The following CDH18 variants were observed in gnomAD, a reference collection of about 807,000 sequenced individuals.
CDH18 encodes cadherin 18, also known as cadherin-18.
CDH18 carries 31 observed loss-of-function variants against 67.9 expected under a neutral mutation model. That is an observed-to-expected ratio of 0.46 (90% CI 0.34 to 0.62). CDH18 has a LOEUF of 0.62. Among genes scored for constraint, CDH18 ranks in the 20% least tolerant of loss-of-function variants. CDH18 has a pLI of 0.01. For missense variants in CDH18, 890 were observed against 975.5 expected (o/e 0.91, Z 1.17); for synonymous variants, 362 against 347.2 (o/e 1.04, Z -0.48).
At position 19,554,223 on chromosome 5, in the gene CDH18, C is replaced by T. The variant is rs189593941; in HGVS notation, c.1254-10218G>A. On this transcript the variant is annotated intron_variant, in intron 8 of 12. Transcript: ENST00000382275. ...TCCAATGAAGCAAAATTAAGCTAAA[C>T]CTCTGCACATGCAATTATAATGTTT... is the stretch of plus-strand genomic sequence containing the variant. Among the ~76,000 whole-genome samples the T allele has an allele frequency of 2.5e-3, 384 of 152,304 alleles. 5 individuals are homozygous for T. The highest frequency in any genetic ancestry group is 6.8e-3 in the Middle Eastern group (2 of 294).
intron 7 of CDH18, among the ~76,000 whole-genome samples, chr5:19,585,909 A>AGT (rs746271080): frequency 6.6e-6 from 1 of 152,140 alleles, no homozygotes; most frequent in Non-Finnish European, 1.5e-5. Context: ...AACATGAGTA[A>AGT]GTGTTCAGAC....
At chr5:20,127,118 T>TG (rs1748899499) in intron 2 of CDH18, among the ~76,000 whole-genome samples, 2 of 152,160 alleles carry the variant, frequency 1.3e-5, no homozygotes, top group Non-Finnish European at 2.9e-5. Context: ...GATTAAATCA[T>TG]GGGGTGGTTT....
At chr5:19,962,378 C>CAAAAAAGAAAAAAA (rs1796999708) in intron 2 of CDH18, among the ~76,000 whole-genome samples, 1 of 51,594 alleles carries the variant, frequency 1.9e-5, no homozygotes, top group Non-Finnish European at 3.3e-5. Context: ...CGTCAAAAAG[C>CAAAAAAGAAAAAAA]AAAAAAAAAA....
intron 2 of CDH18, among the ~76,000 whole-genome samples, chr5:20,131,739 A>G (rs1003362431): frequency 1.9e-4 from 29 of 152,304 alleles, no homozygotes; most frequent in African/African-American, 6.7e-4. Context: ...TTTTACAACA[A>G]TTAATGGTTG....
chr5:19,680,861 T>C (rs1474887639), intron 5 of CDH18, among the ~76,000 whole-genome samples: 1 of 152,028 alleles, frequency 6.6e-6, no homozygotes, highest in East Asian at 1.9e-4. Context: ...TGGTGATTTT[T>C]CAAAGAACTT....
At chr5:19,691,943 C>A (rs1761944287) in intron 5 of CDH18, among the ~76,000 whole-genome samples, 1 of 151,922 alleles carries the variant, frequency 6.6e-6, no homozygotes, top group African/African-American at 2.4e-5. Context: ...GCCAAAAGAA[C>A]AAAGCTGGAG....
At chr5:19,555,440 G>T (rs549946291) in intron 8 of CDH18, among the ~76,000 whole-genome samples, 2 of 152,274 alleles carry the variant, frequency 1.3e-5, no homozygotes, top group African/African-American at 4.8e-5. Flanking sequence ...CATGAGGGGA[G>T]TGAGACCAGC....
rs557663362 is a variant in CDH18, at chr5:19,935,786, C to A, written c.-257+45274G>T. On this transcript the variant is annotated intron_variant, in intron 2 of 12. Coordinates refer to ENST00000382275, the MANE Select transcript of CDH18 (RefSeq NM_004934.5). ...TAAGCACTGAGCTAGCTTTTACATA[C>A]AGTCAGGAACTCTCTCTCTCTCTCT... Among the ~76,000 whole-genome samples the A allele has an allele frequency of 5.0e-4, 74 of 146,676 alleles. No individual in the cohort carries two copies. The South Asian group carries it at 0.014, about 27-fold the overall frequency.
At chr5:20,313,974 C>G (rs1282541062) in intron 1 of CDH18, among the ~76,000 whole-genome samples, 2 of 151,912 alleles carry the variant, frequency 1.3e-5, no homozygotes, top group Non-Finnish European at 2.9e-5. Context: ...TCCCTACTTA[C>G]TTACTTTTTT....
intron 3 of CDH18, among the ~76,000 whole-genome samples, chr5:19,755,450 T>C (rs12654334): frequency 2.6e-4 from 2 of 7,836 alleles, no homozygotes; most frequent in African/African-American, 3.1e-4. Flanking sequence ...TATATATATA[T>C]ATATATATAC....
At chr5:20,019,457 G>C (rs1442475038) in intron 2 of CDH18, among the ~76,000 whole-genome samples, 1 of 151,906 alleles carries the variant, frequency 6.6e-6, no homozygotes, top group Non-Finnish European at 1.5e-5. Flanking sequence ...GGGCCTTGTG[G>C]GAGGTGATTG....
Position 20,376,892 on chromosome 5 carries a change from C to T in CDH18, c.-579-121387G>A, listed in dbSNP as rs564557914. 4.6e-5 allele frequency among the ~76,000 whole-genome samples: 7 copies of T among 152,110 alleles called. No individual in the cohort carries two copies. The South Asian group carries it at 1.5e-3, about 32-fold the overall frequency. ...ATTAGCCGGGCGTGGTGGCAGGTGG[C>T]TGTAGTCCCAGCTACTCAGGGGGCT... On this transcript the variant is annotated intron_variant, in intron 1 of 14. Transcript: ENST00000507958.
At chr5:20,122,974 A>G in intron 2 of CDH18, among the ~76,000 whole-genome samples, 1 of 148,198 alleles carries the variant, frequency 6.7e-6, no homozygotes, top group East Asian at 1.9e-4. Context: ...ATTATGAGCT[A>G]TTGAGATGTA....
intron 1 of CDH18, among the ~76,000 whole-genome samples, chr5:20,419,483 T>G (rs1388912936): frequency 9.2e-6 from 1 of 108,592 alleles, no homozygotes; most frequent in African/African-American, 3.2e-5. Flanking sequence ...TTTTTTTTTT[T>G]TTTTTTTTTT....
At chr5:19,892,169 A>G (rs576583310) in intron 2 of CDH18, among the ~76,000 whole-genome samples, 1 of 152,334 alleles carries the variant, frequency 6.6e-6, no homozygotes, top group South Asian at 2.1e-4. Context: ...ATTGCAAATA[A>G]AAGTTAGAAG....
chr5:20,378,634 T>C (rs1743660885), intron 1 of CDH18, among the ~76,000 whole-genome samples: 1 of 152,156 alleles, frequency 6.6e-6, no homozygotes. Context: ...TTAGTACAAG[T>C]ATGTAATTCC....
At chr5:20,211,407 T>G (rs544907635) in intron 2 of CDH18, among the ~76,000 whole-genome samples, 1 of 152,190 alleles carries the variant, frequency 6.6e-6, no homozygotes, top group East Asian at 1.9e-4. Context: ...TCTCCCAGTA[T>G]GGAGTCTGAG....
At chr5:19,854,439 T>A (rs1481172164) in intron 2 of CDH18, among the ~76,000 whole-genome samples, 2 of 152,174 alleles carry the variant, frequency 1.3e-5, no homozygotes, top group East Asian at 3.9e-4. Flanking sequence ...AAATATATAA[T>A]TTCAGTAGAA....
intron 2 of CDH18, among the ~76,000 whole-genome samples, chr5:20,233,172 T>A (rs1742207261): frequency 6.6e-6 from 1 of 150,830 alleles, no homozygotes; most frequent in South Asian, 2.1e-4. Context: ...ATATATATAA[T>A]GTATATACTT....
Sources: allele counts gnomAD v4.1 joint callset (sites outside exome capture counted in the v4.1 genomes callset), GRCh38; gene constraint gnomAD v4.1.1; transcripts MANE v1.5; gene names NCBI Gene and HGNC (gene_info 2026-07-23, HGNC 2026-07-21).